SGCG: variants seen among roughly 807,000 people sequenced by gnomAD.
SGCG encodes the protein gamma-sarcoglycan.
In SGCG, 26 loss-of-function variants were observed where a neutral mutation model predicts 29.3. The ratio of observed to expected loss-of-function variants is 0.89; its 90% confidence interval spans 0.65 to 1.23. SGCG has a LOEUF of 1.23. Among genes scored for constraint, SGCG ranks in the 50% most tolerant of loss-of-function variants. The pLI, the probability that SGCG is intolerant of heterozygous loss-of-function variation, is 0.00. For missense variants in SGCG, 353 were observed against 356.0 expected (o/e 0.99, Z 0.07); for synonymous variants, 145 against 129.7 (o/e 1.12, Z -0.80).
At chr13:23,252,787 T>C (rs1448197913) in intron 4 of SGCG, among the ~76,000 whole-genome samples, 1 of 152,170 alleles carries the variant, frequency 6.6e-6, no homozygotes. Context: ...TTTCGTATAT[T>C]ATGCAAGGGA....
intron 2 of SGCG, among the ~76,000 whole-genome samples, chr13:23,233,614 CACA>C (rs1290939502): frequency 6.6e-6 from 1 of 152,042 alleles, no homozygotes; most frequent in Non-Finnish European, 1.5e-5. Flanking sequence ...GTGATGGTCA[CACA>C]ACATCACAAA....
chr13:23,324,829 C>T lies in SGCG; in HGVS notation c.*288C>T, dbSNP rs1695719023. 4.8e-6 allele frequency: 2 copies of T among 419,956 alleles called. No homozygotes were observed. Among genetic ancestry groups the T allele is most frequent in the African/African-American group, 2.0e-5 (1 of 49,038 alleles). The allele number at this position is 419,956 out of a possible 1,614,324, so 26.0% of individuals were successfully genotyped here. A position where few individuals can be genotyped will look rare whatever the true frequency, so the allele number is the denominator to read the frequency against. ...GCGAATTCTCTCTGCCTCGCCTCCCCCTATCTTGTCCGTGTGGGCACACAC... is the reference window on the plus strand; with the variant it reads ...GCGAATTCTCTCTGCCTCGCCTCCCTCTATCTTGTCCGTGTGGGCACACAC... On this transcript the variant is annotated 3_prime_UTR_variant, in exon 8 of 8. Transcript: ENST00000218867.
chr13:23,309,264 A>G (rs12862592), intron 6 of SGCG, among the ~76,000 whole-genome samples: 1 of 151,810 alleles, frequency 6.6e-6, no homozygotes, highest in Non-Finnish European at 1.5e-5. Flanking sequence ...AGAGAGAGAG[A>G]GAAAGAGGAA....
chr13:23,300,143 G>A (rs149127195), intron 6 of SGCG, among the ~76,000 whole-genome samples: 174 of 152,244 alleles, frequency 1.1e-3, no homozygotes, highest in Non-Finnish European at 1.6e-3. Flanking sequence ...TTATTTCCAC[G>A]TCTGTTCATC....
the SGCG span, among the ~76,000 whole-genome samples, chr13:23,168,424 A>G: frequency 2.0e-5 from 3 of 152,148 alleles, no homozygotes; most frequent in Admixed American, 1.3e-4. Context: ...TGTCCTGTTC[A>G]TGGTGGTATC....
chr13:23,218,394 G>C (rs1311786286), intron 2 of SGCG, among the ~76,000 whole-genome samples: 1 of 152,042 alleles, frequency 6.6e-6, no homozygotes, highest in Non-Finnish European at 1.5e-5. Context: ...AGAGATTTCA[G>C]AAAGAGTTGG....
At chr13:23,286,290 A>C (rs2137629091) in intron 5 of SGCG, among the ~76,000 whole-genome samples, 1 of 152,362 alleles carries the variant, frequency 6.6e-6, no homozygotes, top group Non-Finnish European at 1.5e-5. Context: ...GTCTTGCAAA[A>C]GATGTAGGGT....
At chr13:23,300,530 A>G (rs901174594) in intron 6 of SGCG, among the ~76,000 whole-genome samples, 3 of 152,088 alleles carry the variant, frequency 2.0e-5, no homozygotes, top group Non-Finnish European at 4.4e-5. Flanking sequence ...CAGCCCAACG[A>G]TGTCACAAGA....
At position 23,320,703 on chromosome 13, in the gene SGCG, T is replaced by A. The variant is rs763278303; in HGVS notation, c.645T>A (p.Ala215=). Residue 215 remains alanine (A), a synonymous_variant, in exon 7 of 8, where the codon GCT becomes GCA. Transcript: ENST00000218867. The part of the protein sequence containing the change: ...APRGVHIQAH[A]GKIEALSQMD... ...GGGGTGTGCATATTCAAGCTCACGC[T>A]GGGAAAATTGAGGCGCTTTCTCAAA... The A allele has an allele frequency of 1.9e-6, 3 of 1,611,460 alleles. No homozygotes were observed. Among genetic ancestry groups the A allele is most frequent in the South Asian group, 2.2e-5 (2 of 90,868 alleles).
At chr13:23,231,481 T>G (rs979540774) in intron 2 of SGCG, among the ~76,000 whole-genome samples, 4 of 152,120 alleles carry the variant, frequency 2.6e-5, no homozygotes, top group South Asian at 4.1e-4. Context: ...AACATTAGGG[T>G]TTTTTTGGTG....
At chr13:23,180,942 T>TC (rs1257101077), upstream of SGCG, 2 of 152,216 alleles carry the variant, frequency 1.3e-5, no homozygotes, top group Non-Finnish European at 2.9e-5. Flanking sequence ...GAGCCCTTTC[T>TC]CCAGGGACAG....
intron 2 of SGCG, among the ~76,000 whole-genome samples, chr13:23,207,754 A>C (rs1052338469): frequency 3.3e-5 from 5 of 152,110 alleles, no homozygotes; most frequent in Non-Finnish European, 5.9e-5. Flanking sequence ...ATAAGCTACT[A>C]CCTCACACCT....
intron 5 of SGCG, among the ~76,000 whole-genome samples, chr13:23,288,296 C>G (rs1304318874): frequency 6.6e-6 from 1 of 152,140 alleles, no homozygotes; most frequent in Non-Finnish European, 1.5e-5. Flanking sequence ...CTTCTTTTCT[C>G]CGCCCTTGTC....
At chr13:23,171,144 T>G in the SGCG span, among the ~76,000 whole-genome samples, 2 of 152,318 alleles carry the variant, frequency 1.3e-5, no homozygotes, top group Non-Finnish European at 2.9e-5. Flanking sequence ...AAAGGCTACA[T>G]GTATCATAAT....
At chr13:23,239,810 G>A (rs142946996) in intron 3 of SGCG, among the ~76,000 whole-genome samples, 1,914 of 152,020 alleles carry the variant, frequency 0.013, 22 homozygotes, top group Admixed American at 0.024. Context: ...AAGTAAACTC[G>A]TAAAACAGAA....
In SGCG at chr13:23,278,218, C is replaced by T. The variant is rs550868109; in HGVS notation, c.386-1141C>T. On this transcript the variant is annotated intron_variant, in intron 4 of 7. Transcript: ENST00000218867. The stretch of plus-strand genomic sequence containing the variant: ...TAGCACTTTGGGAGGCCAAGGCTGG[C>T]GGATCACCTGAGGTTAGGAGTTCGA... 8.6e-5 allele frequency among the ~76,000 whole-genome samples: 13 copies of T among 152,028 alleles called. No individual in the cohort carries two copies. The South Asian group carries it at 1.7e-3, about 19-fold the overall frequency.
intron 1 of SGCG, among the ~76,000 whole-genome samples, chr13:23,192,860 A>G (rs1206776331): frequency 6.6e-6 from 1 of 152,228 alleles, no homozygotes; most frequent in Non-Finnish European, 1.5e-5. Flanking sequence ...TTTAACAAAT[A>G]CGTATAACTG....
intron 5 of SGCG, among the ~76,000 whole-genome samples, chr13:23,292,523 T>C (rs1881756075): frequency 2.0e-5 from 3 of 152,374 alleles, no homozygotes; most frequent in Admixed American, 2.0e-4. Context: ...TTCATCTCTG[T>C]ATTTATTTTG....
chr13:23,184,878 C>T (rs1221147122), intron 1 of SGCG, among the ~76,000 whole-genome samples: 1 of 152,160 alleles, frequency 6.6e-6, no homozygotes, highest in Non-Finnish European at 1.5e-5. Context: ...TAGTGTCAAC[C>T]TAAATAACAA....
Sources: allele counts gnomAD v4.1 joint callset (sites outside exome capture counted in the v4.1 genomes callset), GRCh38; gene constraint gnomAD v4.1.1; transcripts MANE v1.5; gene names NCBI Gene and HGNC (gene_info 2026-07-23, HGNC 2026-07-21).